The following TMEM95 variants were observed in gnomAD, a reference collection of about 807,000 sequenced individuals.
TMEM95 encodes the protein transmembrane protein 95.
Under a neutral mutation model 27.7 loss-of-function variants are expected in TMEM95, and 21 were observed. The ratio of observed to expected loss-of-function variants is 0.76; its 90% CI spans 0.54 to 1.09. The LOEUF is 1.09. TMEM95 is among the 50% of genes least tolerant of loss of function. TMEM95 has a pLI of 0.00. For synonymous variants in TMEM95, 77 were observed against 85.7 expected, an observed-to-expected ratio of 0.90 and a Z score of 0.56; for missense variants, 203 against 217.9, an observed-to-expected ratio of 0.93 and a Z score of 0.43.
At position 7,356,608 on chromosome 17, in the gene TMEM95, C is replaced by A. The variant is rs1350533009; in HGVS notation, c.507C>A (p.His169Gln). 8 of 1,611,338 alleles carry A rather than the reference C, an allele frequency of 5.0e-6. No individual in the cohort carries two copies. The highest frequency in any genetic ancestry group is 6.8e-6 in the Non-Finnish European group (8 of 1,178,704). The change falls in exon 7 of 7, where the codon CAC becomes CAA. Residue 169 changes from histidine to glutamine, a missense_variant. His to Gln is a conservative substitution (Grantham distance 24). Transcript: ENST00000576060. ...GVLSLLVESH[H>Q]LQAKSGL ...CCTCGTCTTCCCTCAGGTCCCACCA[C>A]CTCCAAGCAAAAAGTGGCTTGTGAA...
Position 7,356,773 on chromosome 17 carries a change from C to T in TMEM95, c.*141C>T. On this transcript the variant is annotated 3_prime_UTR_variant, in exon 7 of 7. Transcript: ENST00000576060. Reference sequence around the variant, plus strand: ...CCCTAAAACCCAGACATCCCTGCTTCTGGTTGGTGAGATAATGAAAAACAA... The same window carrying T: ...CCCTAAAACCCAGACATCCCTGCTTTTGGTTGGTGAGATAATGAAAAACAA... The T allele has an allele frequency of 1.1e-6, 1 of 896,944 alleles. No individual in the cohort carries two copies. Among genetic ancestry groups the T allele is most frequent in the Non-Finnish European group, 1.7e-6 (1 of 592,316 alleles). The allele number at this position is 896,944 out of a possible 1,614,324, so 55.6% of individuals were successfully genotyped here. A position where few individuals can be genotyped will look rare whatever the true frequency, so the allele number is the denominator to read the frequency against.
chr17:7,355,393 G>A lies in TMEM95; in HGVS notation c.169+20G>A, dbSNP rs548206336. On this transcript the variant is annotated intron_variant, in intron 1 of 6. Coordinates refer to ENST00000576060, the MANE Select transcript of TMEM95 (RefSeq NM_001320436.2). This position sits in a 1 kb window ranked among gnomAD's most constrained non-coding sequence, Gnocchi z 4.9. ...CCTTAGGTAGGACCAGACATCCAGGGATGGGCCCAGCAAGCACTCACCCCC... is the reference window on the plus strand; with the variant it reads ...CCTTAGGTAGGACCAGACATCCAGGAATGGGCCCAGCAAGCACTCACCCCC... 1.2e-6 allele frequency: 2 copies of A among 1,601,212 alleles called. No individual in the cohort carries two copies. Among genetic ancestry groups the A allele is most frequent in the African/African-American group, 2.7e-5 (2 of 74,614 alleles).
Position 7,356,657 on chromosome 17 carries a change from C to T in TMEM95, c.*25C>T. The T allele has an allele frequency of 6.2e-7, 1 of 1,612,446 alleles. No homozygotes were observed. Among genetic ancestry groups the T allele is most frequent in the East Asian group, 2.2e-5 (1 of 44,846 alleles). ...AAGACGCTGAAAACCTCCCAGCCTC[C>T]AGCTCTAAGGGGTATGCACTCACAA... is the stretch of plus-strand genomic sequence containing the variant. On this transcript the variant is annotated 3_prime_UTR_variant, in exon 7 of 7. Transcript: ENST00000576060.
Position 7,357,080 on chromosome 17 carries a change from A to G in TMEM95, c.*448A>G. ...GGGAATCCGGGAATGCATGTTCTGG[A>G]AAACTCACCCCACTAGAGTGAGATC... On this transcript the variant is annotated 3_prime_UTR_variant, in exon 7 of 7. Transcript: ENST00000576060. 1 of 187,838 alleles carries G rather than the reference A, an allele frequency of 5.3e-6. No homozygotes were observed. The highest frequency in any genetic ancestry group is 1.3e-4 in the East Asian group (1 of 7,582). The allele number at this position is 187,838 out of a possible 1,614,324, so 11.6% of individuals were successfully genotyped here. A position where few individuals can be genotyped will look rare whatever the true frequency, so the allele number is the denominator to read the frequency against.
Position 7,356,221 on chromosome 17 carries a change from C to T in TMEM95, c.354C>T (p.Cys118=), listed in dbSNP as rs1349240907. Residue 118 remains cysteine, a synonymous_variant, in exon 5 of 7, where the codon TGC becomes TGT. Transcript: ENST00000576060. ...GGGGCAGCACCACGCTGTACAACTGCTCCACCTGCAAGGGGACGGAGGTGT... is the reference window on the plus strand; with the variant it reads ...GGGGCAGCACCACGCTGTACAACTGTTCCACCTGCAAGGGGACGGAGGTGT... ...ACRGSTTLYN[C]STCKGTEVSC... The T allele has an allele frequency of 6.4e-7, 1 of 1,565,952 alleles. No individual in the cohort carries two copies. Among genetic ancestry groups the T allele is most frequent in the Admixed American group, 1.8e-5 (1 of 54,486 alleles).
At position 7,355,632 on chromosome 17, in the gene TMEM95, G is replaced by A; in HGVS notation, c.216G>A (p.Leu72=). The change falls in exon 2 of 7, where the codon CTG becomes CTA. Residue 72 remains leucine (L), a synonymous_variant. Coordinates refer to ENST00000576060, the MANE Select transcript of TMEM95 (RefSeq NM_001320436.2). This position sits in a 1 kb window ranked among gnomAD's most constrained non-coding sequence, Gnocchi z 4.9. The part of the protein sequence containing the change: ...NKVTEKTHRV[L]RVMEIKEAVS... ...TCACAGAGAAGACTCACAGAGTCCT[G>A]AGGGTCATGGGTGAGGTCAAGGGGA... The A allele has an allele frequency of 1.3e-6, 2 of 1,560,450 alleles. No individual in the cohort carries two copies. Among genetic ancestry groups the A allele is most frequent in the Non-Finnish European group, 1.7e-6 (2 of 1,151,314 alleles).
Position 7,355,908 on chromosome 17 carries a change from C to T in TMEM95, c.297C>T (p.Tyr99=), listed in dbSNP as rs1280732604. 3 of 1,613,866 alleles carry T rather than the reference C, an allele frequency of 1.9e-6. No individual in the cohort carries two copies. Among genetic ancestry groups the T allele is most frequent in the Non-Finnish European group, 2.5e-6 (3 of 1,179,838 alleles). The change falls in exon 3 of 7, where the codon TAC becomes TAT. Residue 99 remains tyrosine (Y), a synonymous_variant. Transcript: ENST00000576060. This position sits in a 1 kb window ranked among gnomAD's most constrained non-coding sequence, Gnocchi z 4.9. ...SWLRKTKLPE[Y]TREALCPPAC... ...TTCGAAAGACCAAGCTCCCTGAGTA[C>T]ACCAGGGAAGGTACCGATGCGGGAT...
In TMEM95 at chr17:7,356,885, C is replaced by A; in HGVS notation, c.*253C>A. On this transcript the variant is annotated 3_prime_UTR_variant, in exon 7 of 7. Coordinates refer to ENST00000576060, the MANE Select transcript of TMEM95 (RefSeq NM_001320436.2). ...AGGCACCCACAGCTGGAAAGTTCCT[C>A]CCCTCCAGCCCTCAACCAATCACAT... The A allele has an allele frequency of 1.9e-6, 1 of 524,114 alleles. No individual in the cohort carries two copies. The highest frequency in any genetic ancestry group is 3.2e-4 in the Middle Eastern group (1 of 3,140). 32.5% of individuals were successfully genotyped at this position (524,114 alleles called of 1,614,324 possible). A position where few individuals can be genotyped will look rare whatever the true frequency, so the allele number is the denominator to read the frequency against.
chr17:7,356,178 C>T lies in TMEM95; in HGVS notation c.329-18C>T, dbSNP rs766707643. 6.3e-6 allele frequency: 10 copies of T among 1,578,126 alleles called. No individual in the cohort carries two copies. Among genetic ancestry groups the T allele is most frequent in the Non-Finnish European group, 8.6e-6 (10 of 1,160,038 alleles). ...CCCGGCCTCCCCTCCCCAGCGTTGC[C>T]TCTGCTGTCTCCTGCAGGGGGCAGC... is the stretch of plus-strand genomic sequence containing the variant. On this transcript the variant is annotated intron_variant, in intron 4 of 6. Transcript: ENST00000576060.
chr17:7,355,945 G>T lies in TMEM95; in HGVS notation c.307+27G>T. 1.9e-6 allele frequency: 3 copies of T among 1,613,778 alleles called. No individual in the cohort carries two copies. The highest frequency in any genetic ancestry group is 2.5e-6 in the Non-Finnish European group (3 of 1,179,768). ...TACCGATGCGGGATGGGCCTCAAGG[G>T]GAGCCTAGGGTCTTAACCAAAGGAA... On this transcript the variant is annotated intron_variant, in intron 3 of 6. Coordinates refer to ENST00000576060, the MANE Select transcript of TMEM95 (RefSeq NM_001320436.2). This position sits in a 1 kb window ranked among gnomAD's most constrained non-coding sequence, Gnocchi z 4.9.
At position 7,356,630 on chromosome 17, in the gene TMEM95, T is replaced by C. The variant is rs1254657505; in HGVS notation, c.529T>C (p.Ter177ArgextTer3). ...CCACCTCCAAGCAAAAAGTGGCTTG[T>C]GAAGACGCTGAAAACCTCCCAGCCT... is the stretch of plus-strand genomic sequence containing the variant. ...SHHLQAKSGL[*>R] The change falls in exon 7 of 7, where the codon TGA becomes CGA. Residue 177 changes from the stop codon to arginine (R), a stop_lost. Transcript: ENST00000576060. 1.9e-6 allele frequency: 3 copies of C among 1,611,820 alleles called. No individual in the cohort carries two copies. The highest frequency in any genetic ancestry group is 3.3e-5 in the Admixed American group (2 of 59,738).
Position 7,357,172 on chromosome 17 carries a change from C to G in TMEM95, c.*540C>G, listed in dbSNP as rs2073525798. 1 of 154,054 alleles carries G rather than the reference C, an allele frequency of 6.5e-6. No homozygotes were observed. The highest frequency in any genetic ancestry group is 2.4e-5 in the African/African-American group (1 of 41,500). The allele number at this position is 154,054 out of a possible 1,614,324, so 9.5% of individuals were successfully genotyped here. On this transcript the variant is annotated 3_prime_UTR_variant, in exon 7 of 7. Coordinates refer to ENST00000576060, the MANE Select transcript of TMEM95 (RefSeq NM_001320436.2). ...AACAGTTTGAAATCCTGGCCTCCCTCAGAGGCCTCCATCCTGCCAGGCCTA... is the reference window on the plus strand; with the variant it reads ...AACAGTTTGAAATCCTGGCCTCCCTGAGAGGCCTCCATCCTGCCAGGCCTA...
At position 7,356,068 on chromosome 17, in the gene TMEM95, G is replaced by A. The variant is rs764252104; in HGVS notation, c.328+19G>A. ...GCCTGCCGTGAGTAGGAAAGGAAAG[G>A]GGTAGCAAGGACCTGGGGCCTGCAG... On this transcript the variant is annotated intron_variant, in intron 4 of 6. Coordinates refer to ENST00000576060, the MANE Select transcript of TMEM95 (RefSeq NM_001320436.2). 4 of 1,614,022 alleles carry A rather than the reference G, an allele frequency of 2.5e-6. No homozygotes were observed. Among genetic ancestry groups the A allele is most frequent in the South Asian group, 2.2e-5 (2 of 91,084 alleles).
Position 7,355,691 on chromosome 17 carries a change from G to A in TMEM95, c.226+49G>A. The A allele has an allele frequency of 7.5e-7, 1 of 1,327,718 alleles. No homozygotes were observed. Among genetic ancestry groups the A allele is most frequent in the Non-Finnish European group, 1.1e-6 (1 of 936,692 alleles). 82.2% of individuals were successfully genotyped at this position (1,327,718 alleles called of 1,614,324 possible). On this transcript the variant is annotated intron_variant, in intron 2 of 6. Coordinates refer to ENST00000576060, the MANE Select transcript of TMEM95 (RefSeq NM_001320436.2). This position sits in a 1 kb window ranked among gnomAD's most constrained non-coding sequence, Gnocchi z 4.9. ...CCTAGGGGCTTGGGAGGATACCAAG[G>A]AGAGGGACGGGTGACAGGGGTTGGG...
chr17:7,356,182 G>T lies in TMEM95; in HGVS notation c.329-14G>T. The T allele has an allele frequency of 6.3e-7, 1 of 1,576,656 alleles. No homozygotes were observed. Among genetic ancestry groups the T allele is most frequent in the South Asian group, 1.2e-5 (1 of 85,940 alleles). ...GCCTCCCCTCCCCAGCGTTGCCTCTGCTGTCTCCTGCAGGGGGCAGCACCA... is the reference window on the plus strand; with the variant it reads ...GCCTCCCCTCCCCAGCGTTGCCTCTTCTGTCTCCTGCAGGGGGCAGCACCA... On this transcript the variant is annotated splice_polypyrimidine_tract_variant and intron_variant, in intron 4 of 6. Transcript: ENST00000576060.
In TMEM95 at chr17:7,356,726, A is replaced by G; in HGVS notation, c.*94A>G. 7.2e-7 allele frequency: 1 copy of G among 1,382,308 alleles called. No homozygotes were observed. The highest frequency in any genetic ancestry group is 1.0e-6 in the Non-Finnish European group (1 of 989,006). The allele number at this position is 1,382,308 out of a possible 1,614,324, so 85.6% of individuals were successfully genotyped here. A position where few individuals can be genotyped will look rare whatever the true frequency, so the allele number is the denominator to read the frequency against. ...GGGAACCAGTCAGCCCCTTAGTCCC[A>G]GCTCCAAAGACAGTCTCCAGACCCT... On this transcript the variant is annotated 3_prime_UTR_variant, in exon 7 of 7. Coordinates refer to ENST00000576060, the MANE Select transcript of TMEM95 (RefSeq NM_001320436.2).
In TMEM95 at chr17:7,355,302, G is replaced by T. The variant is rs369600209; in HGVS notation, c.98G>T (p.Arg33Leu). Reference sequence around the variant, plus strand: ...CACGACTTGTCAGGCCGCCTGGCTCGGCTCTGCAGCCAGATGGAGGCCAGG... The same window carrying T: ...CACGACTTGTCAGGCCGCCTGGCTCTGCTCTGCAGCCAGATGGAGGCCAGG... ...PAHDLSGRLA[R>L]LCSQMEARQK... The change falls in exon 1 of 7, where the codon CGG (arginine) becomes CTG (leucine). Residue 33 changes from arginine to leucine, a missense_variant. By Grantham distance (102) the Arg-to-Leu change is moderately radical (BLOSUM62 -2). Transcript: ENST00000576060. The surrounding 1 kb of genome is among the most constrained non-coding windows in gnomAD (Gnocchi z 4.9). 1 of 1,613,950 alleles carries T rather than the reference G, an allele frequency of 6.2e-7. No individual in the cohort carries two copies. The highest frequency in any genetic ancestry group is 8.5e-7 in the Non-Finnish European group (1 of 1,179,980).
At position 7,357,170 on chromosome 17, in the gene TMEM95, C is replaced by A. The variant is rs984441504; in HGVS notation, c.*538C>A. The A allele has an allele frequency of 2.6e-5, 4 of 154,112 alleles. No individual in the cohort carries two copies. The highest frequency in any genetic ancestry group is 4.8e-5 in the African/African-American group (2 of 41,500). The allele number at this position is 154,112 out of a possible 1,614,324, so 9.5% of individuals were successfully genotyped here. ...TTAACAGTTTGAAATCCTGGCCTCC[C>A]TCAGAGGCCTCCATCCTGCCAGGCC... On this transcript the variant is annotated 3_prime_UTR_variant, in exon 7 of 7. Coordinates refer to ENST00000576060, the MANE Select transcript of TMEM95 (RefSeq NM_001320436.2).
rs762495079 is a variant in TMEM95 at position 7,355,296 on chromosome 17, T to C, written c.92T>C (p.Leu31Pro). The C allele has an allele frequency of 1.2e-6, 2 of 1,614,090 alleles. No homozygotes were observed. The highest frequency in any genetic ancestry group is 2.2e-5 in the South Asian group (2 of 91,088). ...CCAGCCCACGACTTGTCAGGCCGCCTGGCTCGGCTCTGCAGCCAGATGGAG... is the reference window on the plus strand; with the variant it reads ...CCAGCCCACGACTTGTCAGGCCGCCCGGCTCGGCTCTGCAGCCAGATGGAG... ...RLPAHDLSGR[L>P]ARLCSQMEAR... is the part of the protein sequence containing the mutation. Residue 31 changes from leucine to proline, a missense_variant, in exon 1 of 7, where the codon CTG (leucine) becomes CCG (proline). Coordinates refer to ENST00000576060, the MANE Select transcript of TMEM95 (RefSeq NM_001320436.2). The surrounding 1 kb of genome is among the most constrained non-coding windows in gnomAD (Gnocchi z 4.9).
Sources: gnomAD v4.1 joint callset for allele counts on GRCh38, gnomAD v4.1.1 for gene constraint, Gnocchi (gnomAD v3.1) non-coding constraint, MANE v1.5 for transcripts, NCBI Gene and HGNC (gene_info 2026-07-23, HGNC 2026-07-21) for gene names.